CMIP: variants seen among roughly 807,000 people sequenced by gnomAD.
The protein encoded by CMIP is C-Maf-inducing protein.
CMIP carries 13 observed loss-of-function variants against 97.3 expected under a neutral mutation model. That is an observed-to-expected ratio of 0.13 (90% CI 0.09 to 0.21). CMIP has a LOEUF of 0.21. CMIP is among the 10% of genes least tolerant of loss of function. The probability of loss-of-function intolerance (pLI) is 1.00; values close to 1 mark genes in which losing one functional copy is unlikely to be tolerated. For missense variants in CMIP, 847 were observed against 1,024.9 expected, an observed-to-expected ratio of 0.83 and a Z score of 2.37; for synonymous variants, 538 against 436.3, an observed-to-expected ratio of 1.23 and a Z score of -2.91.
chr16:81,689,418 G>T (rs1196505209), intron 10 of CMIP, among the ~76,000 whole-genome samples: 1 of 152,176 alleles, frequency 6.6e-6, no homozygotes, highest in Non-Finnish European at 1.5e-5. Flanking sequence ...GTGATGATGA[G>T]CATTTTTTCA....
intron 1 of CMIP, chr16:81,495,589 G>T: frequency 1.5e-6 from 2 of 1,344,172 alleles, no homozygotes; most frequent in South Asian, 1.3e-5. Context: ...GAAATTCACA[G>T]ACCCACTTCT....
intron 4 of CMIP, among the ~76,000 whole-genome samples, chr16:81,656,145 G>A (rs549164032): frequency 7.2e-5 from 11 of 152,224 alleles, no homozygotes; most frequent in Non-Finnish European, 1.5e-4. Flanking sequence ...AGGTCAGGAC[G>A]TCTCATGGGG....
chr16:81,706,608 A>G (rs565532642), intron 19 of CMIP, among the ~76,000 whole-genome samples: 40 of 152,288 alleles, frequency 2.6e-4, no homozygotes, highest in African/African-American at 9.6e-4. Flanking sequence ...CACAAACCAG[A>G]GGTTGAGGCT....
At chr16:81,465,799 G>T (rs1166245141) in intron 1 of CMIP, among the ~76,000 whole-genome samples, 1 of 152,210 alleles carries the variant, frequency 6.6e-6, no homozygotes, top group Non-Finnish European at 1.5e-5. Context: ...CCCTGGCTCA[G>T]ACAGCAGGGC....
At chr16:81,704,791 C>T (rs901237942) in intron 18 of CMIP, among the ~76,000 whole-genome samples, 1 of 147,348 alleles carries the variant, frequency 6.8e-6, no homozygotes, top group Non-Finnish European at 1.5e-5. Context: ...CGACCCTTCC[C>T]TCAAGCTCAG....
chr16:81,488,258 A>T (rs1273077324), intron 1 of CMIP, among the ~76,000 whole-genome samples: 1 of 152,144 alleles, frequency 6.6e-6, no homozygotes, highest in Non-Finnish European at 1.5e-5. Context: ...TTCCAGAGCC[A>T]GTCTGCATGG....
At chr16:81,456,420 G>A (rs1906550632) in intron 1 of CMIP, among the ~76,000 whole-genome samples, 1 of 152,180 alleles carries the variant, frequency 6.6e-6, no homozygotes, top group Non-Finnish European at 1.5e-5. Context: ...CAGATGTCAC[G>A]ACGAGTCCCT....
At chr16:81,557,340 G>GAATTCACTCATGTTC (rs540375781) in intron 1 of CMIP, among the ~76,000 whole-genome samples, 7,140 of 147,318 alleles carry the variant, frequency 0.048, 444 homozygotes, top group African/African-American at 0.14. Flanking sequence ...GATGTTGGTT[G>GAATTCACTCATGTTC]AATTTACTGA....
At chr16:81,496,337 G>A (rs555580531) in intron 1 of CMIP, among the ~76,000 whole-genome samples, 12 of 152,296 alleles carry the variant, frequency 7.9e-5, no homozygotes, top group African/African-American at 2.6e-4. Flanking sequence ...CCCCCTTCAT[G>A]GGGGCGATCC....
At position 81,507,997 on chromosome 16, in the gene CMIP, A is replaced by C. The variant is rs537475993; in HGVS notation, c.300+62456A>C. On this transcript the variant is annotated intron_variant, in intron 1 of 20. Transcript: ENST00000537098. ...TTTTCCCAGGCTTTTAGTAGAGCCC[A>C]CTTGGGCAATGCCAACCTATCCACC... Among the ~76,000 whole-genome samples the C allele has an allele frequency of 3.3e-5, 5 of 152,332 alleles. No individual in the cohort carries two copies. In the East Asian group the frequency reaches 9.6e-4, roughly 29 times the overall value.
At chr16:81,492,409 C>T (rs1017394370) in intron 1 of CMIP, among the ~76,000 whole-genome samples, 1 of 152,202 alleles carries the variant, frequency 6.6e-6, no homozygotes, top group Admixed American at 6.5e-5. Context: ...GTCCTCTGTC[C>T]CTCTGTCCGT....
At chr16:81,463,456 C>G (rs1907009884) in intron 1 of CMIP, among the ~76,000 whole-genome samples, 1 of 152,214 alleles carries the variant, frequency 6.6e-6, no homozygotes, top group Non-Finnish European at 1.5e-5. Flanking sequence ...CTTCATTACT[C>G]CCACTACGTT....
chr16:81,474,631 C>T (rs953002601), intron 1 of CMIP, among the ~76,000 whole-genome samples: 8 of 152,304 alleles, frequency 5.3e-5, no homozygotes, highest in Admixed American at 1.3e-4. Context: ...TCCGTGTCAC[C>T]GCACTTCTGT....
At chr16:81,536,540 A>G (rs772707129) in intron 1 of CMIP, among the ~76,000 whole-genome samples, 4 of 152,224 alleles carry the variant, frequency 2.6e-5, no homozygotes, top group Non-Finnish European at 4.4e-5. Context: ...AGTGTTAAGT[A>G]TATTCACATT....
chr16:81,696,240 G>A, intron 13 of CMIP: 3 of 433,150 alleles, frequency 6.9e-6, no homozygotes, highest in South Asian at 2.5e-5. Flanking sequence ...ATTGTGGGCG[G>A]TTGCTCTGGG....
chr16:81,465,218 A>G (rs1401750067), intron 1 of CMIP, among the ~76,000 whole-genome samples: 1 of 152,240 alleles, frequency 6.6e-6, no homozygotes, highest in Non-Finnish European at 1.5e-5. Context: ...ATGATAATTA[A>G]CATTTTTGTA....
At chr16:81,475,977 A>G in intron 1 of CMIP, 1 of 482,264 alleles carries the variant, frequency 2.1e-6, no homozygotes, top group Non-Finnish European at 3.8e-6. Context: ...ACAGAGTGAG[A>G]CTCCTTCTCA....
Position 81,696,503 on chromosome 16 carries a change from C to T in CMIP, c.1531-57C>T, listed in dbSNP as rs556100244. On this transcript the variant is annotated intron_variant, in intron 13 of 20. Coordinates refer to ENST00000537098, the MANE Select transcript of CMIP (RefSeq NM_198390.3). ...CCCATTCATGTGTGCAGATCATGGTCGCCCTTGTCACCGGGGCTGCATGCA... is the reference window on the plus strand; with the variant it reads ...CCCATTCATGTGTGCAGATCATGGTTGCCCTTGTCACCGGGGCTGCATGCA... 2.8e-5 allele frequency: 42 copies of T among 1,511,656 alleles called. 1 individual carries two copies. Among genetic ancestry groups the T allele is most frequent in the Admixed American group, 2.3e-4 (12 of 52,894 alleles). The allele number at this position is 1,511,656 out of a possible 1,614,324, so 93.6% of individuals were successfully genotyped here.
intron 1 of CMIP, among the ~76,000 whole-genome samples, chr16:81,570,103 C>CA (rs1467692451): frequency 2.0e-5 from 3 of 152,156 alleles, no homozygotes; most frequent in South Asian, 2.1e-4. Context: ...GGGATGGCCT[C>CA]ACCCCTTCTG....
Sources: allele counts gnomAD v4.1 joint callset (sites outside exome capture counted in the v4.1 genomes callset), GRCh38; gene constraint gnomAD v4.1.1; transcripts MANE v1.5; gene names NCBI Gene and HGNC (gene_info 2026-07-23, HGNC 2026-07-21).